ADCK1: variants seen among roughly 807,000 people sequenced by gnomAD.
The protein encoded by ADCK1 is aarF domain containing kinase 1.
In ADCK1, 41 loss-of-function variants were observed where a neutral mutation model predicts 52.3. The observed-to-expected ratio is 0.78, with a 90% CI of 0.61 to 1.02. The LOEUF (loss-of-function observed/expected upper bound fraction) is 1.02. ADCK1 is among the 50% of genes least tolerant of loss of function. ADCK1 has a pLI of 0.00. For synonymous variants in ADCK1, 250 were observed against 274.6 expected, an observed-to-expected ratio of 0.91 and a Z score of 0.89; for missense variants, 658 against 679.5, an observed-to-expected ratio of 0.97 and a Z score of 0.35.
At chr14:77,927,527 C>T (rs1248217504) in intron 9 of ADCK1, among the ~76,000 whole-genome samples, 1 of 152,194 alleles carries the variant, frequency 6.6e-6, no homozygotes, top group African/African-American at 2.4e-5. Context: ...GTGTAATTTA[C>T]ACTTTGGTTG....
At chr14:77,810,788 C>T (rs2081324742) in intron 1 of ADCK1, among the ~76,000 whole-genome samples, 2 of 152,148 alleles carry the variant, frequency 1.3e-5, no homozygotes, top group African/African-American at 4.8e-5. Context: ...GCCTCAGCCT[C>T]CCAAAGTGCT....
chr14:77,928,242 G>A (rs1014254608), intron 9 of ADCK1, among the ~76,000 whole-genome samples: 22 of 152,146 alleles, frequency 1.4e-4, no homozygotes, highest in African/African-American at 5.1e-4. Context: ...GACTGGGAAG[G>A]ACATATTTGG....
intron 4 of ADCK1, among the ~76,000 whole-genome samples, chr14:77,875,454 G>A (rs542871002): frequency 2.0e-5 from 3 of 151,890 alleles, no homozygotes; most frequent in African/African-American, 7.2e-5. Flanking sequence ...AGCATTGAGA[G>A]GCTGAACAGC....
At chr14:77,908,984 G>A (rs956833775) in intron 7 of ADCK1, among the ~76,000 whole-genome samples, 1 of 152,094 alleles carries the variant, frequency 6.6e-6, no homozygotes, top group Non-Finnish European at 1.5e-5. Context: ...GATTCCTTGG[G>A]GTGTGTGGGG....
rs941976601 is a variant in ADCK1, at chr14:77,934,528, G to A, written c.*1137G>A. ...TCCTCTTGCTGAAACCTCCGTCACTGTGGCTGGGTTTTCACTGGGAAACTT... is the reference window on the plus strand; with the variant it reads ...TCCTCTTGCTGAAACCTCCGTCACTATGGCTGGGTTTTCACTGGGAAACTT... On this transcript the variant is annotated 3_prime_UTR_variant, in exon 11 of 11. Transcript: ENST00000238561. 2.0e-5 allele frequency: 3 copies of A among 152,096 alleles called. No homozygotes were observed. Among genetic ancestry groups the A allele is most frequent in the Admixed American group, 2.0e-4 (3 of 15,254 alleles). 9.4% of individuals were successfully genotyped at this position (152,096 alleles called of 1,614,324 possible).
At chr14:77,828,378 C>G (rs1017489133) in intron 3 of ADCK1, among the ~76,000 whole-genome samples, 1 of 152,138 alleles carries the variant, frequency 6.6e-6, no homozygotes, top group Non-Finnish European at 1.5e-5. Flanking sequence ...TTTAAACCAG[C>G]CAGAGAGGAG....
chr14:77,910,376 C>T (rs1313145328), intron 7 of ADCK1, among the ~76,000 whole-genome samples: 3 of 152,094 alleles, frequency 2.0e-5, no homozygotes, highest in Non-Finnish European at 4.4e-5. Context: ...TCTGACTCTG[C>T]TGCCTTCACT....
intron 1 of ADCK1, among the ~76,000 whole-genome samples, chr14:77,803,379 T>C (rs934830448): frequency 6.6e-5 from 10 of 152,116 alleles, no homozygotes; most frequent in African/African-American, 2.2e-4. Context: ...AAATGTAGCA[T>C]AGGGAGAGGG....
intron 7 of ADCK1, among the ~76,000 whole-genome samples, chr14:77,916,746 ACACC>A (rs2083935069): frequency 6.6e-6 from 1 of 152,166 alleles, no homozygotes; most frequent in South Asian, 2.1e-4. Flanking sequence ...ATCTCTCCCG[ACACC>A]ATGTGTGGTC....
rs758535709 is a variant in ADCK1, at chr14:77,924,473, G to A, written c.875G>A (p.Gly292Asp). ...IDVNEISRHLGKMYSEMIFVN... is the reference protein window; with the variant it reads ...IDVNEISRHLDKMYSEMIFVN... ...CTCTTTCAGATCTCACGCCACCTGG[G>A]CAAGATGTATAGTGAGATGATCTTC... Residue 292 changes from glycine to aspartate, a missense_variant, in exon 8 of 11, where the codon GGC becomes GAC. Coordinates refer to ENST00000238561, the MANE Select transcript of ADCK1 (RefSeq NM_020421.4). 1.2e-6 allele frequency: 2 copies of A among 1,614,026 alleles called. No homozygotes were observed. The highest frequency in any genetic ancestry group is 2.2e-5 in the East Asian group (1 of 44,884).
At chr14:77,821,764 C>T (rs145614315) in intron 2 of ADCK1, among the ~76,000 whole-genome samples, 7 of 150,310 alleles carry the variant, frequency 4.7e-5, no homozygotes, top group African/African-American at 1.5e-4. Flanking sequence ...GTGTATAATC[C>T]CAGCTACTTG....
intron 4 of ADCK1, among the ~76,000 whole-genome samples, chr14:77,861,013 C>G (rs2082533314): frequency 6.6e-6 from 1 of 152,046 alleles, no homozygotes; most frequent in African/African-American, 2.4e-5. Flanking sequence ...GGAGTGTCAG[C>G]AGTCATGGTG....
At chr14:77,819,256 G>A in intron 2 of ADCK1, 143 bp downstream of exon 2, 9 of 1,141,796 alleles carry the variant, frequency 7.9e-6, no homozygotes, top group Non-Finnish European at 9.9e-6. Flanking sequence ...ATCTGCACAG[G>A]TGTACACATA....
chr14:77,899,899 G>A (rs1280288163), intron 6 of ADCK1, among the ~76,000 whole-genome samples: 3 of 151,788 alleles, frequency 2.0e-5, no homozygotes, highest in African/African-American at 7.3e-5. Context: ...GTGAAACCTC[G>A]TCTCTACTAA....
intron 3 of ADCK1, among the ~76,000 whole-genome samples, chr14:77,846,551 T>C (rs982134227): frequency 2.0e-5 from 3 of 152,154 alleles, no homozygotes; most frequent in African/African-American, 7.2e-5. Flanking sequence ...GTGGCTCTCA[T>C]TGAGTGAATC....
intron 3 of ADCK1, among the ~76,000 whole-genome samples, chr14:77,845,969 A>T (rs2082165309): frequency 6.6e-6 from 1 of 152,146 alleles, no homozygotes; most frequent in Non-Finnish European, 1.5e-5. Context: ...TGGATCTGTA[A>T]CTACCTGTGG....
intron 6 of ADCK1, among the ~76,000 whole-genome samples, chr14:77,907,102 C>T (rs1195995033): frequency 6.6e-6 from 1 of 152,106 alleles, no homozygotes; most frequent in Non-Finnish European, 1.5e-5. Flanking sequence ...ACTGTAGAGA[C>T]AGGGTTTCGC....
chr14:77,819,189 C>T, intron 2 of ADCK1, 76 bp downstream of exon 2: 1 of 1,571,116 alleles, frequency 6.4e-7, no homozygotes, highest in South Asian at 1.1e-5. Context: ...AGCAGATAGA[C>T]ATGCCTGCTA....
chr14:77,828,007 T>C, intron 3 of ADCK1: 1 of 289,430 alleles, frequency 3.5e-6, no homozygotes, highest in Middle Eastern at 1.3e-3. Context: ...TTTTTGTGTT[T>C]TTAGTAGAGA....
Sources: allele counts gnomAD v4.1 joint callset (sites outside exome capture counted in the v4.1 genomes callset), GRCh38; gene constraint gnomAD v4.1.1; transcripts MANE v1.5; gene names NCBI Gene and HGNC (gene_info 2026-07-23, HGNC 2026-07-21).